ZNG1B: variants seen among roughly 807,000 people sequenced by gnomAD.
The protein encoded by ZNG1B is Zn regulated GTPase metalloprotein activator 1B.
chr2:113,453,923 C>T, the ZNG1B span, among the ~76,000 whole-genome samples: 1 of 152,056 alleles, frequency 6.6e-6, no homozygotes, highest in Non-Finnish European at 1.5e-5. Context: ...ACTTTATTTA[C>T]CTGAACACTT....
the ZNG1B span, chr2:113,445,582 G>A: frequency 6.7e-6 from 1 of 148,678 alleles, no homozygotes; most frequent in South Asian, 2.1e-4. Flanking sequence ...CATTGATAAG[G>A]GAATCATGAC....
At chr2:113,486,489 T>G in the ZNG1B span, among the ~76,000 whole-genome samples, 1 of 148,602 alleles carries the variant, frequency 6.7e-6, no homozygotes, top group African/African-American at 2.5e-5. Flanking sequence ...TGTGGTGGCT[T>G]ATGCTTGTAA....
chr2:113,479,713 T>G, the ZNG1B span, among the ~76,000 whole-genome samples: 60 of 152,322 alleles, frequency 3.9e-4, 1 homozygote, highest in South Asian at 0.012. Flanking sequence ...ACTGTATTTT[T>G]AATTTGATGC....
chr2:113,481,957 A>G, the ZNG1B span: 11 of 651,788 alleles, frequency 1.7e-5, no homozygotes, highest in Admixed American at 5.9e-5. Context: ...GTGCATATGT[A>G]TATATATGAA....
At chr2:113,482,159 C>T in the ZNG1B span, 1 of 930,460 alleles carries the variant, frequency 1.1e-6, no homozygotes, top group East Asian at 2.5e-5. Flanking sequence ...CTCTGAATTT[C>T]TAATCAGTTG....
the ZNG1B span, among the ~76,000 whole-genome samples, chr2:113,474,660 A>G: frequency 7.0e-6 from 1 of 142,904 alleles, no homozygotes; most frequent in African/African-American, 2.7e-5. Flanking sequence ...ACTGCTTTGA[A>G]TGCGTCCCAG....
chr2:113,461,189 G>A, the ZNG1B span, among the ~76,000 whole-genome samples: 1 of 150,762 alleles, frequency 6.6e-6, no homozygotes, highest in African/African-American at 2.4e-5. Flanking sequence ...TGGGATTACA[G>A]GCACCCGCCA....
At chr2:113,476,448 G>C in the ZNG1B span, among the ~76,000 whole-genome samples, 1 of 149,940 alleles carries the variant, frequency 6.7e-6, no homozygotes, top group Admixed American at 6.7e-5. Context: ...TCCTCCCATA[G>C]CTCGGAGTAG....
chr2:113,448,717 A>G, the ZNG1B span, among the ~76,000 whole-genome samples: 1 of 152,260 alleles, frequency 6.6e-6, no homozygotes, highest in South Asian at 2.1e-4. Context: ...AGCCTGGCCA[A>G]CATAGTGAAA....
At chr2:113,476,028 C>T in the ZNG1B span, among the ~76,000 whole-genome samples, 41,648 of 151,346 alleles carry the variant, frequency 0.28, 6,329 homozygotes, top group East Asian at 0.52. Flanking sequence ...TGAATCTGAA[C>T]GTTGGCCTGC....
the ZNG1B span, chr2:113,495,266 TCA>T: frequency 6.6e-7 from 1 of 1,514,432 alleles, no homozygotes; most frequent in East Asian, 3.0e-5. Context: ...CTGAAAGGAT[TCA>T]CAGTTTTAAA....
the ZNG1B span, among the ~76,000 whole-genome samples, chr2:113,487,968 G>A: frequency 1.8e-3 from 279 of 151,558 alleles, 1 homozygote; most frequent in African/African-American, 6.1e-3. Context: ...GTTTTTGGGC[G>A]TTCTAGAGCC....
chr2:113,469,992 T>A, the ZNG1B span: 1 of 76,610 alleles, frequency 1.3e-5, no homozygotes, highest in South Asian at 3.9e-4. Context: ...TCTGCTGTTC[T>A]TTTTTTTTTT....
At chr2:113,456,022 C>A in the ZNG1B span, among the ~76,000 whole-genome samples, 5 of 151,784 alleles carry the variant, frequency 3.3e-5, no homozygotes, top group Non-Finnish European at 5.9e-5. Context: ...CCGGCCTGAA[C>A]TTGTTAATGT....
chr2:113,490,421 C>T, the ZNG1B span, among the ~76,000 whole-genome samples: 1 of 147,384 alleles, frequency 6.8e-6, no homozygotes, highest in Non-Finnish European at 1.5e-5. Context: ...GCACAATCTA[C>T]GGTCACATCT....
chr2:113,470,050 G>A, the ZNG1B span: 1 of 149,862 alleles, frequency 6.7e-6, no homozygotes, highest in Non-Finnish European at 1.5e-5. Context: ...GGAGTGCAGT[G>A]GTGCAATCTT....
chr2:113,450,317 A>G, the ZNG1B span, among the ~76,000 whole-genome samples: 2 of 142,382 alleles, frequency 1.4e-5, no homozygotes, highest in African/African-American at 5.3e-5. Flanking sequence ...TATGTATTCT[A>G]ATTGCTTTGA....
chr2:113,445,158 AT>A, the ZNG1B span: 2 of 1,488,826 alleles, frequency 1.3e-6, no homozygotes, highest in East Asian at 4.6e-5. Context: ...TTTTGTTAGT[AT>A]TAAACCAAAA....
At chr2:113,463,351 A>G in the ZNG1B span, among the ~76,000 whole-genome samples, 1 of 152,170 alleles carries the variant, frequency 6.6e-6, no homozygotes, top group Non-Finnish European at 1.5e-5. Flanking sequence ...GCTCAAAATT[A>G]CTATTCTTAG....
Sources: allele counts gnomAD v4.1 joint callset (sites outside exome capture counted in the v4.1 genomes callset), GRCh38; gene constraint gnomAD v4.1.1; transcripts MANE v1.5; gene names NCBI Gene and HGNC (gene_info 2026-07-23, HGNC 2026-07-21).